The following LMLN variants were observed in gnomAD, a reference collection of about 807,000 sequenced individuals.
LMLN encodes the protein leishmanolysin-like peptidase.
In LMLN, 70 loss-of-function variants were observed where a neutral mutation model predicts 92.3. The ratio of observed to expected loss-of-function variants is 0.76; its 90% CI spans 0.63 to 0.92. The LOEUF (loss-of-function observed/expected upper bound fraction) is 0.92. Among genes scored for constraint, LMLN ranks in the 40% least tolerant of loss-of-function variants. The pLI, the probability that LMLN is intolerant of heterozygous loss-of-function variation, is 0.00. For missense variants in LMLN, 691 were observed against 814.6 expected, an observed-to-expected ratio of 0.85 and a Z score of 1.85; for synonymous variants, 308 against 296.2, an observed-to-expected ratio of 1.04 and a Z score of -0.41.
At chr3:198,036,768 T>G (rs975540230) in intron 15 of LMLN, among the ~76,000 whole-genome samples, 2 of 152,244 alleles carry the variant, frequency 1.3e-5, no homozygotes, top group African/African-American at 4.8e-5. Flanking sequence ...GCAGAATTCA[T>G]CAATTCACAA....
intron 5 of LMLN, among the ~76,000 whole-genome samples, chr3:197,979,767 G>A (rs900013752): frequency 6.6e-6 from 1 of 152,196 alleles, no homozygotes; most frequent in Non-Finnish European, 1.5e-5. Flanking sequence ...CTGGGTGACA[G>A]AGTGACTCCA....
At chr3:197,969,654 A>C (rs1721168057) in intron 1 of LMLN, among the ~76,000 whole-genome samples, 1 of 152,188 alleles carries the variant, frequency 6.6e-6, no homozygotes, top group African/African-American at 2.4e-5. Context: ...TCCCACACGC[A>C]CTGAAGCAGA....
At chr3:197,980,344 G>T (rs774980590) in exon 6 of LMLN, 2 of 1,613,688 alleles carry the variant, frequency 1.2e-6, no homozygotes, top group South Asian at 1.1e-5. Flanking sequence ...GGTCTACCGT[G>T]GGGGTAAGTG....
At chr3:197,976,662 T>C (rs1381690889) in exon 5 of LMLN, 8 of 1,591,226 alleles carry the variant, frequency 5.0e-6, no homozygotes, top group Non-Finnish European at 6.9e-6. Flanking sequence ...CACCGGGGAG[T>C]GTGCCGCACA....
At chr3:197,994,799 G>A (rs949949926) in intron 9 of LMLN, 1 of 152,210 alleles carries the variant, frequency 6.6e-6, no homozygotes, top group Non-Finnish European at 1.5e-5. Context: ...AAAACTGGAA[G>A]TTCTTCAAAA....
chr3:197,960,278 C>T (rs1229597333), exon 1 of LMLN: 3 of 1,613,626 alleles, frequency 1.9e-6, no homozygotes, highest in Admixed American at 1.7e-5. Flanking sequence ...GAGTGGGTTA[C>T]TCGGGCTCAG....
chr3:197,981,954 G>A (rs1364279537), intron 6 of LMLN, among the ~76,000 whole-genome samples: 8 of 151,958 alleles, frequency 5.3e-5, no homozygotes, highest in Non-Finnish European at 1.0e-4. Context: ...ACAGGTGTGC[G>A]CCACTGCGCC....
At chr3:197,999,995 T>C (rs1722127453) in intron 11 of LMLN, among the ~76,000 whole-genome samples, 1 of 152,376 alleles carries the variant, frequency 6.6e-6, no homozygotes, top group Non-Finnish European at 1.5e-5. Flanking sequence ...ACTAAACAAT[T>C]TTTAAATGAC....
At chr3:198,009,294 C>T (rs1722372351) in intron 11 of LMLN, among the ~76,000 whole-genome samples, 1 of 152,184 alleles carries the variant, frequency 6.6e-6, no homozygotes, top group African/African-American at 2.4e-5. Flanking sequence ...TCCATTTTGA[C>T]TTACATATTT....
chr3:198,027,603 T>C (rs1722969225), intron 14 of LMLN, among the ~76,000 whole-genome samples: 1 of 152,212 alleles, frequency 6.6e-6, no homozygotes, highest in African/African-American at 2.4e-5. Context: ...AGTAGAATCA[T>C]ACCATGTTTG....
intron 9 of LMLN, among the ~76,000 whole-genome samples, chr3:197,993,056 A>C (rs1188715212): frequency 3.3e-5 from 5 of 152,188 alleles, no homozygotes; most frequent in African/African-American, 1.2e-4. Flanking sequence ...CAATAGATGC[A>C]AAAAAATCAT....
chr3:197,973,493 C>A (rs978856925), intron 1 of LMLN, among the ~76,000 whole-genome samples: 1 of 152,164 alleles, frequency 6.6e-6, no homozygotes, highest in South Asian at 2.1e-4. Context: ...CTGCCTGCCT[C>A]GGCCTCCCAA....
At chr3:197,981,898 G>A (rs113892093) in intron 6 of LMLN, among the ~76,000 whole-genome samples, 2 of 151,140 alleles carry the variant, frequency 1.3e-5, no homozygotes, top group Admixed American at 6.6e-5. Flanking sequence ...TCTGCCTCCC[G>A]GGTTCAAGCG....
rs149274063 is a variant in LMLN, at chr3:198,027,609, G to A, written c.1656+2821G>A. On this transcript the variant is annotated intron_variant, in intron 14 of 15. Coordinates refer to ENST00000330198, the Ensembl canonical transcript of LMLN. ...GTCCTTATAAGTAGAATCATACCAT[G>A]TTTGTCCTTTTGTACCTGACTCCTT... 1.7e-3 allele frequency among the ~76,000 whole-genome samples: 265 copies of A among 152,152 alleles called. 2 individuals are homozygous for A. Among genetic ancestry groups the A allele is most frequent in the African/African-American group, 6.0e-3 (250 of 41,510 alleles).
intron 15 of LMLN, among the ~76,000 whole-genome samples, chr3:198,037,314 A>G (rs2109961426): frequency 1.3e-5 from 2 of 152,242 alleles, no homozygotes; most frequent in Middle Eastern, 3.4e-3. Context: ...GGCCTGCTGT[A>G]TTAACTCTGC....
At chr3:197,983,017 A>G (rs7372366) in intron 6 of LMLN, among the ~76,000 whole-genome samples, 31,389 of 152,176 alleles carry the variant, frequency 0.21, 5,233 homozygotes, top group African/African-American at 0.46. Context: ...GCCCCTGAAG[A>G]GTTTTAAGCC....
At chr3:197,984,120 T>C in intron 7 of LMLN, 72 bp downstream of exon 7, 2 of 929,158 alleles carry the variant, frequency 2.2e-6, no homozygotes, top group East Asian at 2.4e-5. Flanking sequence ...TTTTTATACA[T>C]ATATTCCACT....
intron 14 of LMLN, among the ~76,000 whole-genome samples, chr3:198,035,158 G>A (rs1301976976): frequency 2.1e-5 from 3 of 143,456 alleles, no homozygotes; most frequent in Admixed American, 1.4e-4. Flanking sequence ...AGCCAAGATC[G>A]CCACTGTATT....
At chr3:198,024,327 T>G (rs897170164) in intron 13 of LMLN, among the ~76,000 whole-genome samples, 1 of 151,520 alleles carries the variant, frequency 6.6e-6, no homozygotes, top group African/African-American at 2.4e-5. Context: ...GCCATTCTCC[T>G]GCCTCAGCCT....
Sources: allele counts gnomAD v4.1 joint callset (sites outside exome capture counted in the v4.1 genomes callset), GRCh38; gene constraint gnomAD v4.1.1; transcripts MANE v1.5; gene names NCBI Gene and HGNC (gene_info 2026-07-23, HGNC 2026-07-21).